Variants in IGDCC3 observed in about 807,000 individuals in gnomAD.
IGDCC3 encodes the protein putative neuronal cell adhesion molecule.
IGDCC3 carries 47 observed loss-of-function variants against 72.0 expected under a neutral mutation model. That is an observed-to-expected ratio of 0.65 (90% CI 0.52 to 0.83). The LOEUF is 0.83. IGDCC3 is among the 40% of genes least tolerant of loss of function. IGDCC3 has a pLI of 0.00. For synonymous variants in IGDCC3, 477 were observed against 472.8 expected (o/e 1.01, Z -0.11); for missense variants, 1,038 against 1,091.3 (o/e 0.95, Z 0.69).
At position 65,329,471 on chromosome 15, in the gene IGDCC3, G is replaced by A. The variant is rs764702083; in HGVS notation, c.2124C>T (p.Asp708=). The change falls in exon 13 of 14, where the codon GAC becomes GAT. Residue 708 remains aspartate, a synonymous_variant. Transcript: ENST00000327987. The surrounding 1 kb of genome is among the most constrained non-coding windows in gnomAD (Gnocchi z 4.1). ...GCTCCTTCATATCCACACGTTTCTC[G>A]TCTCGGCCCAGCTGGCCCCGCTGTC... is the stretch of plus-strand genomic sequence containing the variant. The part of the protein sequence containing the change: ...RRGQRGQLGR[D]EKRVDMKELE... 9.9e-6 allele frequency: 16 copies of A among 1,610,830 alleles called. No homozygotes were observed. Among genetic ancestry groups the A allele is most frequent in the Admixed American group, 6.8e-5 (4 of 58,878 alleles).
At chr15:65,334,472 T>C (rs540939876) in intron 5 of IGDCC3, 3 of 469,250 alleles carry the variant, frequency 6.4e-6, no homozygotes, top group Non-Finnish European at 1.1e-5. Flanking sequence ...AGGGGAGGAC[T>C]GCAGGGACTG....
chr15:65,368,995 T>G (rs1426539018), intron 2 of IGDCC3, among the ~76,000 whole-genome samples: 2 of 152,148 alleles, frequency 1.3e-5, no homozygotes, highest in Non-Finnish European at 2.9e-5. Context: ...AAAGAAGCCC[T>G]TTAGGAGCTT....
At chr15:65,351,796 TTA>T (rs560609436) in intron 2 of IGDCC3, among the ~76,000 whole-genome samples, 69 of 152,310 alleles carry the variant, frequency 4.5e-4, no homozygotes, top group African/African-American at 1.5e-3. Context: ...TTAATATAAC[TTA>T]GTGTATGTTA....
intron 2 of IGDCC3, among the ~76,000 whole-genome samples, chr15:65,364,164 C>A (rs1198568483): frequency 6.6e-6 from 1 of 152,202 alleles, no homozygotes; most frequent in Non-Finnish European, 1.5e-5. Flanking sequence ...CTGATAGGTT[C>A]TCCAGGGGTG....
rs1368140607 is a variant in IGDCC3 at position 65,337,959 on chromosome 15, C to A, written c.410-2003G>T. Among the ~76,000 whole-genome samples the A allele has an allele frequency of 2.0e-5, 3 of 152,310 alleles. No homozygotes were observed. In the East Asian group the frequency reaches 5.8e-4, roughly 29 times the overall value. On this transcript the variant is annotated intron_variant, in intron 2 of 13. Transcript: ENST00000327987. ...TGCTTCTAGCCCCATCCTGGGCTCC[C>A]TGGAGGCACCCAGTGCTAGGAGCTG...
rs745639041 is a variant in IGDCC3 at position 65,331,668 on chromosome 15, G to C, written c.1149-9C>G. ...CAGAAATGGTCAGTGTGCTGCAGGG[G>C]AGAGAGACAGCCTCAGGTTCCCTCC... On this transcript the variant is annotated splice_polypyrimidine_tract_variant and intron_variant, in intron 7 of 13. Transcript: ENST00000327987. 3 of 1,582,292 alleles carry C rather than the reference G, an allele frequency of 1.9e-6. No individual in the cohort carries two copies. The highest frequency in any genetic ancestry group is 1.7e-5 in the Admixed American group (1 of 57,820).
chr15:65,340,823 G>A (rs2091074296), intron 2 of IGDCC3, among the ~76,000 whole-genome samples: 1 of 152,180 alleles, frequency 6.6e-6, no homozygotes. Flanking sequence ...CTGCCTCCTG[G>A]GTTCAAGCAA....
At chr15:65,354,166 A>C (rs1466808049) in intron 2 of IGDCC3, among the ~76,000 whole-genome samples, 2 of 152,210 alleles carry the variant, frequency 1.3e-5, no homozygotes, top group Non-Finnish European at 2.9e-5. Flanking sequence ...TCGCCCTCCC[A>C]AAGTGCTGGG....
intron 2 of IGDCC3, chr15:65,355,792 T>C (rs2091215718): frequency 2.2e-6 from 1 of 453,334 alleles, no homozygotes; most frequent in Non-Finnish European, 4.4e-6. Context: ...AAGACAGCCA[T>C]TGTCCTCGCA....
intron 2 of IGDCC3, among the ~76,000 whole-genome samples, chr15:65,351,779 TATA>T (rs2091175718): frequency 6.6e-6 from 1 of 152,232 alleles, no homozygotes; most frequent in African/African-American, 2.4e-5. Flanking sequence ...GGGAAACTCC[TATA>T]ATTTTAATAT....
At position 65,330,349 on chromosome 15, in the gene IGDCC3, C is replaced by T; in HGVS notation, c.1802G>A (p.Gly601Glu). The T allele has an allele frequency of 6.2e-7, 1 of 1,614,128 alleles. No individual in the cohort carries two copies. The highest frequency in any genetic ancestry group is 2.2e-5 in the East Asian group (1 of 44,876). The change falls in exon 11 of 14, where the codon GGA becomes GAA. Residue 601 changes from glycine to glutamate, a missense_variant. Gly to Glu is a moderately conservative substitution (Grantham distance 98). Transcript: ENST00000327987. The stretch of plus-strand genomic sequence containing the variant: ...AAAGCGGACTGTGGCATTGCCATCT[C>T]CATGCTGGTTGTAGGCGAGCAGCTT... ...EVKLLAYNQH[G>E]DGNATVRFVS...
chr15:65,355,214 G>A (rs2091206813), intron 2 of IGDCC3, among the ~76,000 whole-genome samples: 1 of 152,194 alleles, frequency 6.6e-6, no homozygotes, highest in Non-Finnish European at 1.5e-5. Context: ...TCAGCTGGCG[G>A]GCGGGGTCAG....
chr15:65,335,233 T>C, intron 4 of IGDCC3, 58 bp downstream of exon 4: 1 of 1,548,026 alleles, frequency 6.5e-7, no homozygotes, highest in South Asian at 1.2e-5. Context: ...GATCTAAGGG[T>C]AGGGAGGAGG....
intron 3 of IGDCC3, 63 bp from the exon 4 acceptor site, chr15:65,335,484 C>T (rs1208703721): frequency 2.0e-6 from 3 of 1,526,140 alleles, no homozygotes; most frequent in Non-Finnish European, 2.7e-6. Flanking sequence ...GCCACAAAGA[C>T]TCTGGGCATC....
intron 2 of IGDCC3, among the ~76,000 whole-genome samples, chr15:65,348,361 C>T (rs1462751228): frequency 6.6e-6 from 1 of 152,170 alleles, no homozygotes; most frequent in Non-Finnish European, 1.5e-5. Flanking sequence ...TGAATTGGGA[C>T]CTCTGTCCTG....
chr15:65,362,153 G>A (rs1389104701), intron 2 of IGDCC3, among the ~76,000 whole-genome samples: 1 of 151,968 alleles, frequency 6.6e-6, no homozygotes, highest in East Asian at 1.9e-4. Flanking sequence ...AGGAATTGGA[G>A]AGCCGTGTTC....
chr15:65,334,188 T>G (rs1319365234), intron 5 of IGDCC3, among the ~76,000 whole-genome samples: 1 of 151,610 alleles, frequency 6.6e-6, no homozygotes, highest in African/African-American at 2.4e-5. Flanking sequence ...CCTTCCCGAG[T>G]GACCTTTCTG....
chr15:65,335,988 G>A (rs779832632), intron 2 of IGDCC3, 32 bp from the exon 3 acceptor site: 12 of 1,611,082 alleles, frequency 7.4e-6, no homozygotes, highest in African/African-American at 4.0e-5. Context: ...AGTGCAGTGC[G>A]CTGCTGAGGG....
chr15:65,376,829 G>A (rs1185445952), intron 1 of IGDCC3, among the ~76,000 whole-genome samples: 1 of 152,124 alleles, frequency 6.6e-6, no homozygotes, highest in South Asian at 2.1e-4. Context: ...CCAGATGAGT[G>A]TCTGTGGGGA....
Sources: gnomAD v4.1 joint callset for allele counts (sites outside exome capture counted in the v4.1 genomes callset) on GRCh38, gnomAD v4.1.1 for gene constraint, Gnocchi (gnomAD v3.1) non-coding constraint, MANE v1.5 for transcripts, NCBI Gene and HGNC (gene_info 2026-07-23, HGNC 2026-07-21) for gene names.